The following STK32B variants were observed in gnomAD, a reference collection of about 807,000 sequenced individuals.
The protein encoded by STK32B is serine/threonine-protein kinase 32B.
STK32B carries 43 observed loss-of-function variants against 52.6 expected under a neutral mutation model. That is an observed-to-expected ratio of 0.82 (90% CI 0.64 to 1.05). The LOEUF is 1.05. Ranked by LOEUF, STK32B falls within the 50% of genes least tolerant of loss-of-function variation. The probability of loss-of-function intolerance (pLI) is 0.00; values close to 1 mark genes in which losing one functional copy is unlikely to be tolerated. For missense variants in STK32B, 621 were observed against 534.6 expected (o/e 1.16, Z -1.59); for synonymous variants, 238 against 204.3 (o/e 1.17, Z -1.41).
At chr4:5,021,055 A>G in the STK32B span, among the ~76,000 whole-genome samples, 1 of 152,156 alleles carries the variant, frequency 6.6e-6, no homozygotes, top group Non-Finnish European at 1.5e-5. Context: ...GGTGAACCAG[A>G]GCATGGCATC....
chr4:5,019,511 G>A, the STK32B span: 3 of 1,385,156 alleles, frequency 2.2e-6, no homozygotes, highest in East Asian at 3.1e-5. Context: ...GTCCAGGGCG[G>A]CTCCACGCCT....
chr4:5,035,717 T>G, the STK32B span, among the ~76,000 whole-genome samples: 1 of 152,188 alleles, frequency 6.6e-6, no homozygotes, highest in Admixed American at 6.5e-5. Flanking sequence ...TTTAAACATT[T>G]GTATTCAAAG....
At chr4:5,233,580 T>G (rs1724421679) in intron 3 of STK32B, among the ~76,000 whole-genome samples, 1 of 151,700 alleles carries the variant, frequency 6.6e-6, no homozygotes, top group South Asian at 2.1e-4. Flanking sequence ...ATTTCAAGAC[T>G]GGAGCAATTA....
At chr4:5,482,903 A>G (rs1395802678) in intron 11 of STK32B, among the ~76,000 whole-genome samples, 2 of 152,158 alleles carry the variant, frequency 1.3e-5, no homozygotes, top group Non-Finnish European at 2.9e-5. Flanking sequence ...TGATTTGCAT[A>G]TGTTGAACCA....
intron 3 of STK32B, among the ~76,000 whole-genome samples, chr4:5,275,036 ACACT>A (rs964929577): frequency 6.6e-6 from 1 of 152,142 alleles, no homozygotes; most frequent in African/African-American, 2.4e-5. Flanking sequence ...CAGAGCTATA[ACACT>A]CACTGCGTGG....
the STK32B span, chr4:5,019,510 G>A: frequency 1.4e-6 from 2 of 1,388,818 alleles, no homozygotes; most frequent in African/African-American, 1.5e-5. Flanking sequence ...GGTCCAGGGC[G>A]GCTCCACGCC....
intron 4 of STK32B, among the ~76,000 whole-genome samples, chr4:5,360,349 A>G (rs1370576483): frequency 2.6e-5 from 4 of 152,136 alleles, no homozygotes; most frequent in Non-Finnish European, 5.9e-5. Context: ...CAGCAGGGAA[A>G]AGACTAGATA....
At chr4:5,284,659 C>T (rs1005615052) in intron 3 of STK32B, among the ~76,000 whole-genome samples, 1 of 152,154 alleles carries the variant, frequency 6.6e-6, no homozygotes, top group Non-Finnish European at 1.5e-5. Context: ...GTAACACATA[C>T]TGTATGACGG....
intron 1 of STK32B, among the ~76,000 whole-genome samples, chr4:5,090,218 G>A (rs1036548222): frequency 6.6e-6 from 1 of 152,014 alleles, no homozygotes; most frequent in African/African-American, 2.4e-5. Flanking sequence ...AGTTTAATTA[G>A]ATCCCATTTG....
chr4:5,466,915 A>T (rs927836172), intron 10 of STK32B, 81 bp downstream of exon 10: 9 of 1,498,028 alleles, frequency 6.0e-6, no homozygotes, highest in Middle Eastern at 1.9e-4. Context: ...CTGTTTAGCA[A>T]AAAGGGGACA....
At position 5,467,133 on chromosome 4, in the gene STK32B, C is replaced by G. The variant is rs967060083; in HGVS notation, c.1041+299C>G. ...TGAGAAAGATTTTGTACCGCAGAGG[C>G]CCCCAGGGCTGCACGATGACTTTTG... On this transcript the variant is annotated intron_variant, in intron 10 of 11. Transcript: ENST00000282908. The surrounding 1 kb of genome is among the most constrained non-coding windows in gnomAD (Gnocchi z 5.8). 8.1e-6 allele frequency among the ~76,000 whole-genome samples: 1 copy of G among 123,716 alleles called. No homozygotes were observed. The highest frequency in any genetic ancestry group is 1.9e-5 in the Non-Finnish European group (1 of 52,324). 81.2% of individuals were successfully genotyped at this position (123,716 alleles called of 152,430 possible).
intron 5 of STK32B, among the ~76,000 whole-genome samples, chr4:5,404,702 G>A (rs919798458): frequency 6.6e-6 from 1 of 151,320 alleles, no homozygotes; most frequent in Non-Finnish European, 1.5e-5. Context: ...CTCGCTCCGG[G>A]CCCATAACAC....
chr4:5,105,194 G>A (rs1241828665), intron 1 of STK32B, among the ~76,000 whole-genome samples: 1 of 152,112 alleles, frequency 6.6e-6, no homozygotes. Context: ...TGAAGGCTGG[G>A]TGCAGTGGCT....
chr4:5,118,667 A>T (rs1714867305), intron 1 of STK32B, among the ~76,000 whole-genome samples: 1 of 152,170 alleles, frequency 6.6e-6, no homozygotes, highest in South Asian at 2.1e-4. Flanking sequence ...GTTGCCACTC[A>T]CAGTTGTCCT....
rs1731049889 is a variant in STK32B, at chr4:5,317,194, TATATATATTATATATATAAC to T, written c.261-14017_261-13998del. 1.1e-4 allele frequency among the ~76,000 whole-genome samples: 6 copies of T among 53,420 alleles called. 1 individual carries two copies. The highest frequency in any genetic ancestry group is 1.6e-4 in the Non-Finnish European group (6 of 37,846). 35.0% of individuals were successfully genotyped at this position (53,420 alleles called of 152,430 possible). On this transcript the variant is annotated intron_variant, in intron 3 of 11. Coordinates refer to ENST00000282908, the MANE Select transcript of STK32B (RefSeq NM_018401.3). ...TAACATATAATATATATATATAACA[TATATATATTATATATATAAC>T]ATATATATATTATATATAACATATA...
chr4:5,201,221 G>A (rs1722112167), intron 3 of STK32B, among the ~76,000 whole-genome samples: 1 of 152,110 alleles, frequency 6.6e-6, no homozygotes. Flanking sequence ...AGGGGCAAAG[G>A]ATCTCTCCTG....
chr4:5,233,320 G>A (rs1346372905), intron 3 of STK32B, among the ~76,000 whole-genome samples: 6 of 152,186 alleles, frequency 3.9e-5, no homozygotes, highest in Non-Finnish European at 8.8e-5. Context: ...TCATGGGATT[G>A]ACGTGTGCTG....
chr4:5,404,976 C>T (rs1418681401), intron 5 of STK32B, among the ~76,000 whole-genome samples: 1 of 148,472 alleles, frequency 6.7e-6, no homozygotes, highest in Non-Finnish European at 1.5e-5. Flanking sequence ...ATGCCATTCT[C>T]TGGCCTCAGC....
chr4:5,019,509 C>A, the STK32B span: 11 of 1,389,818 alleles, frequency 7.9e-6, no homozygotes, highest in Non-Finnish European at 1.0e-5. Context: ...TGGTCCAGGG[C>A]GGCTCCACGC....
Sources: gnomAD v4.1 joint callset for allele counts (sites outside exome capture counted in the v4.1 genomes callset) on GRCh38, gnomAD v4.1.1 for gene constraint, Gnocchi (gnomAD v3.1) non-coding constraint, MANE v1.5 for transcripts, NCBI Gene and HGNC (gene_info 2026-07-23, HGNC 2026-07-21) for gene names.